SMYD3: variants seen among roughly 807,000 people sequenced by gnomAD.
SMYD3 encodes histone-lysine N-methyltransferase SMYD3.
Under a neutral mutation model 57.7 loss-of-function variants are expected in SMYD3, and 36 were observed. The ratio of observed to expected loss-of-function variants is 0.62; its 90% CI spans 0.48 to 0.82. SMYD3 has a LOEUF of 0.82. Among genes scored for constraint, SMYD3 ranks in the 40% least tolerant of loss-of-function variants. The pLI is 0.00. For synonymous variants in SMYD3, 211 were observed against 195.0 expected (o/e 1.08, Z -0.68); for missense variants, 515 against 538.8 (o/e 0.96, Z 0.44).
At chr1:245,922,218 A>G (rs903382519) in intron 7 of SMYD3, among the ~76,000 whole-genome samples, 2 of 152,142 alleles carry the variant, frequency 1.3e-5, no homozygotes, top group Non-Finnish European at 2.9e-5. Flanking sequence ...ACAAAAATCA[A>G]ACTTGTATGT....
intron 10 of SMYD3, among the ~76,000 whole-genome samples, chr1:245,851,456 C>T (rs9729771): frequency 0.16 from 24,201 of 152,116 alleles, 2,388 homozygotes; most frequent in African/African-American, 0.27. Context: ...AGAAGATGGG[C>T]AGGCTTCTTT....
chr1:246,411,656 T>C (rs1468345312), intron 1 of SMYD3, among the ~76,000 whole-genome samples: 2 of 152,040 alleles, frequency 1.3e-5, no homozygotes, highest in Non-Finnish European at 1.5e-5. Context: ...TAAAAAAGGA[T>C]GAGTTCATGC....
chr1:246,330,162 GA>G (rs1215213616), intron 4 of SMYD3, among the ~76,000 whole-genome samples: 1 of 151,984 alleles, frequency 6.6e-6, no homozygotes, highest in African/African-American at 2.4e-5. Context: ...AAAGAAAACA[GA>G]ACAGGAAACC....
intron 5 of SMYD3, among the ~76,000 whole-genome samples, chr1:246,261,291 T>C (rs2064006292): frequency 6.6e-6 from 1 of 151,550 alleles, no homozygotes; most frequent in Admixed American, 6.6e-5. Context: ...TCTCCTGACC[T>C]CAGGATCCAC....
intron 3 of SMYD3, among the ~76,000 whole-genome samples, chr1:246,331,048 T>C (rs1045178183): frequency 6.6e-6 from 1 of 152,072 alleles, no homozygotes; most frequent in South Asian, 2.1e-4. Context: ...GGAGGGAGAA[T>C]CACTTGAGCC....
chr1:246,437,274 T>C (rs1269616779), intron 1 of SMYD3, among the ~76,000 whole-genome samples: 1 of 152,116 alleles, frequency 6.6e-6, no homozygotes, highest in Non-Finnish European at 1.5e-5. Flanking sequence ...CTGGTAGAGT[T>C]TTTGGAGAAA....
chr1:246,464,805 T>C (rs1483981858), intron 1 of SMYD3, among the ~76,000 whole-genome samples: 2 of 152,194 alleles, frequency 1.3e-5, no homozygotes, highest in South Asian at 2.1e-4. Context: ...AGTCTTTTTT[T>C]CCCCCATGGA....
chr1:245,895,388 C>T (rs76491000), intron 8 of SMYD3, among the ~76,000 whole-genome samples: 9 of 152,122 alleles, frequency 5.9e-5, no homozygotes, highest in African/African-American at 1.7e-4. Flanking sequence ...ACTTTAGAAA[C>T]GGGAAACATT....
At chr1:246,450,126 A>G (rs949580349) in intron 1 of SMYD3, among the ~76,000 whole-genome samples, 1 of 152,176 alleles carries the variant, frequency 6.6e-6, no homozygotes, top group South Asian at 2.1e-4. Flanking sequence ...CATCTCTGCT[A>G]AAAATACAAA....
intron 5 of SMYD3, among the ~76,000 whole-genome samples, chr1:246,017,164 C>A (rs2059391638): frequency 6.6e-6 from 1 of 151,462 alleles, no homozygotes; most frequent in East Asian, 1.9e-4. Context: ...AATTTTTATT[C>A]TTTTTTTTTA....
chr1:246,349,767 G>T (rs891663560), intron 2 of SMYD3, among the ~76,000 whole-genome samples: 1 of 152,062 alleles, frequency 6.6e-6, no homozygotes, highest in African/African-American at 2.4e-5. Context: ...TAAAAAAGGA[G>T]ATATATCTAT....
intron 1 of SMYD3, among the ~76,000 whole-genome samples, chr1:246,417,049 T>A (rs1879438): frequency 0.32 from 49,186 of 151,970 alleles, 8,358 homozygotes; most frequent in Non-Finnish European, 0.36. Flanking sequence ...TTCAACTGCA[T>A]AATACAACAA....
chr1:245,842,728 A>C (rs1209127359), intron 10 of SMYD3, among the ~76,000 whole-genome samples: 1 of 151,974 alleles, frequency 6.6e-6, no homozygotes, highest in Admixed American at 6.6e-5. Context: ...TTTTTTTTAG[A>C]GATGGGGTCT....
At chr1:246,330,417 A>G (rs1172216671) in intron 4 of SMYD3, 63 bp downstream of exon 4, 1 of 1,322,724 alleles carries the variant, frequency 7.6e-7, no homozygotes, top group Non-Finnish European at 1.0e-6. Context: ...AAATAAATCC[A>G]TTCACCAACT....
At chr1:246,457,967 T>C (rs1048371934) in intron 1 of SMYD3, among the ~76,000 whole-genome samples, 2 of 152,240 alleles carry the variant, frequency 1.3e-5, no homozygotes, top group Non-Finnish European at 2.9e-5. Flanking sequence ...ACTTGAGTTA[T>C]GACAGTTATG....
chr1:245,944,019 A>T (rs200804126), intron 5 of SMYD3, among the ~76,000 whole-genome samples: 1 of 152,028 alleles, frequency 6.6e-6, no homozygotes, highest in South Asian at 2.1e-4. Flanking sequence ...TGACAAACCC[A>T]CCCAGCCAAT....
rs561772635 is a variant in SMYD3, at chr1:246,301,672, A to G, written c.531+25529T>C. ...TGACATCTCCTAAGCTTTACAATCCAGCTGGGGAGCAAATTATGCATATTG... is the reference window on the plus strand; with the variant it reads ...TGACATCTCCTAAGCTTTACAATCCGGCTGGGGAGCAAATTATGCATATTG... On this transcript the variant is annotated intron_variant, in intron 5 of 11. Coordinates refer to ENST00000490107, the MANE Select transcript of SMYD3 (RefSeq NM_001167740.2). 4.2e-4 allele frequency among the ~76,000 whole-genome samples: 64 copies of G among 152,286 alleles called. 1 individual carries two copies. Among genetic ancestry groups the G allele is most frequent in the African/African-American group, 1.5e-3 (61 of 41,584 alleles).
intron 5 of SMYD3, among the ~76,000 whole-genome samples, chr1:246,099,125 T>C (rs1480863477): frequency 2.0e-5 from 3 of 152,202 alleles, no homozygotes; most frequent in African/African-American, 4.8e-5. Flanking sequence ...AAGTTGAAAA[T>C]AAATGGTAAT....
At chr1:246,102,108 T>G (rs112273691) in intron 5 of SMYD3, among the ~76,000 whole-genome samples, 4,353 of 152,260 alleles carry the variant, frequency 0.029, 202 homozygotes, top group African/African-American at 0.098. Context: ...GCTGAACTCA[T>G]CATCCTTCTT....
Sources: allele counts gnomAD v4.1 joint callset (sites outside exome capture counted in the v4.1 genomes callset), GRCh38; gene constraint gnomAD v4.1.1; transcripts MANE v1.5; gene names NCBI Gene and HGNC (gene_info 2026-07-23, HGNC 2026-07-21).